TOP6BL: variants seen among roughly 807,000 people sequenced by gnomAD.
The protein encoded by TOP6BL is TOP6B like initiator of meiotic double strand breaks.
the TOP6BL span, among the ~76,000 whole-genome samples, chr11:66,838,974 G>A: frequency 6.6e-6 from 1 of 152,132 alleles, no homozygotes; most frequent in Non-Finnish European, 1.5e-5. Flanking sequence ...CTTGTGATCC[G>A]CCTGCCTTGG....
the TOP6BL span, among the ~76,000 whole-genome samples, chr11:66,754,669 C>T: frequency 6.6e-6 from 1 of 152,172 alleles, no homozygotes; most frequent in African/African-American, 2.4e-5. Context: ...CCAGATCTTT[C>T]AGTCTCTTAC....
chr11:66,828,214 C>G, the TOP6BL span: 1 of 1,305,260 alleles, frequency 7.7e-7, no homozygotes, highest in Admixed American at 1.8e-5. Context: ...GAACTTTCCC[C>G]CTTGGTTTCC....
chr11:66,813,171 A>T, the TOP6BL span, among the ~76,000 whole-genome samples: 1 of 152,134 alleles, frequency 6.6e-6, no homozygotes, highest in Admixed American at 6.6e-5. Flanking sequence ...ACCGGCTTTT[A>T]TGTCTGTCTC....
At chr11:66,792,374 A>G in the TOP6BL span, among the ~76,000 whole-genome samples, 1 of 152,228 alleles carries the variant, frequency 6.6e-6, no homozygotes, top group Non-Finnish European at 1.5e-5. Flanking sequence ...TTATAAGCCC[A>G]GGTACATAAT....
chr11:66,798,457 G>A, the TOP6BL span, among the ~76,000 whole-genome samples: 3 of 151,628 alleles, frequency 2.0e-5, no homozygotes, highest in African/African-American at 4.8e-5. Context: ...AAAATTAGTC[G>A]GGTGTGGTTC....
the TOP6BL span, among the ~76,000 whole-genome samples, chr11:66,819,252 AT>A: frequency 3.5e-4 from 52 of 149,148 alleles, no homozygotes; most frequent in African/African-American, 4.7e-4. Flanking sequence ...TGATTAACTC[AT>A]TTTTTTTTTC....
At chr11:66,776,310 C>T in the TOP6BL span, among the ~76,000 whole-genome samples, 9 of 152,008 alleles carry the variant, frequency 5.9e-5, no homozygotes, top group East Asian at 1.9e-4. Flanking sequence ...CTGCCTGCCT[C>T]GGCCTCCCAA....
the TOP6BL span, among the ~76,000 whole-genome samples, chr11:66,750,402 C>T: frequency 2.0e-5 from 3 of 151,890 alleles, no homozygotes; most frequent in East Asian, 3.9e-4. Flanking sequence ...TAAAAATTAG[C>T]GGGTTGTGGT....
the TOP6BL span, among the ~76,000 whole-genome samples, chr11:66,842,036 C>T: frequency 6.6e-6 from 1 of 151,790 alleles, no homozygotes; most frequent in Non-Finnish European, 1.5e-5. Context: ...CCTGTCTCTA[C>T]AAGTAAAAAA....
chr11:66,836,957 C>T, the TOP6BL span, among the ~76,000 whole-genome samples: 1 of 151,616 alleles, frequency 6.6e-6, no homozygotes, highest in Admixed American at 6.6e-5. Context: ...GCTCAGTCTC[C>T]CAAAGTGCTG....
At chr11:66,751,396 C>T in the TOP6BL span, among the ~76,000 whole-genome samples, 36 of 151,854 alleles carry the variant, frequency 2.4e-4, no homozygotes, top group African/African-American at 8.2e-4. Context: ...GGTTTCACTA[C>T]GTTGGCCAGG....
chr11:66,833,273 T>G, the TOP6BL span, among the ~76,000 whole-genome samples: 19 of 152,102 alleles, frequency 1.2e-4, no homozygotes, highest in Non-Finnish European at 2.4e-4. Flanking sequence ...GGTCTCGAAC[T>G]CCTAGCCTTA....
At chr11:66,826,581 G>T in the TOP6BL span, among the ~76,000 whole-genome samples, 1 of 152,158 alleles carries the variant, frequency 6.6e-6, no homozygotes, top group African/African-American at 2.4e-5. Context: ...GTAGTGAAAA[G>T]AACACTATAT....
the TOP6BL span, among the ~76,000 whole-genome samples, chr11:66,787,438 G>T: frequency 1.3e-5 from 2 of 151,296 alleles, no homozygotes; most frequent in Non-Finnish European, 2.9e-5. Context: ...AGGCGCGGTG[G>T]CTCATGTCTG....
At chr11:66,811,860 T>C in the TOP6BL span, among the ~76,000 whole-genome samples, 1 of 152,154 alleles carries the variant, frequency 6.6e-6, no homozygotes, top group Non-Finnish European at 1.5e-5. Flanking sequence ...AGAGGCTCGC[T>C]TGAGCACAGG....
At chr11:66,761,485 T>A in the TOP6BL span, 2 of 476,540 alleles carry the variant, frequency 4.2e-6, no homozygotes, top group Admixed American at 7.2e-5. Flanking sequence ...AGGATGATAA[T>A]CATTTCAAAG....
At chr11:66,843,439 C>T in the TOP6BL span, 1 of 1,389,314 alleles carries the variant, frequency 7.2e-7, no homozygotes, top group East Asian at 2.9e-5. Flanking sequence ...CTGGTGCGCG[C>T]CGCGGGTCAG....
chr11:66,821,903 C>A, the TOP6BL span: 1 of 1,053,588 alleles, frequency 9.5e-7, no homozygotes, highest in Non-Finnish European at 1.4e-6. Flanking sequence ...GATCTTGTAA[C>A]ACTGCATCTA....
chr11:66,781,478 T>G, the TOP6BL span, among the ~76,000 whole-genome samples: 2 of 152,188 alleles, frequency 1.3e-5, no homozygotes, highest in African/African-American at 4.8e-5. Flanking sequence ...TTTGAACATA[T>G]TTATAATAGA....
Sources: gnomAD v4.1 joint callset for allele counts (sites outside exome capture counted in the v4.1 genomes callset) on GRCh38, gnomAD v4.1.1 for gene constraint, MANE v1.5 for transcripts, NCBI Gene and HGNC (gene_info 2026-07-23, HGNC 2026-07-21) for gene names.